The following SPEF2 variants were observed in gnomAD, a reference collection of about 807,000 sequenced individuals.
SPEF2 encodes the protein sperm flagellar and cilia associated 2.
A neutral mutation model predicts 224.6 loss-of-function variants in SPEF2; 187 were observed. The observed-to-expected ratio is 0.83, with a 90% CI of 0.74 to 0.94. SPEF2 has a LOEUF of 0.94. Ranked by LOEUF, SPEF2 falls within the 40% of genes least tolerant of loss-of-function variation. The pLI is 0.00. For synonymous variants in SPEF2, 715 were observed against 707.3 expected (o/e 1.01, Z -0.17); for missense variants, 2,170 against 2,135.6 (o/e 1.02, Z -0.32).
chr5:35,715,240 G>A (rs6893470), intron 20 of SPEF2, among the ~76,000 whole-genome samples: 114,137 of 151,832 alleles, frequency 0.75, 43,253 homozygotes, highest in Middle Eastern at 0.83. Context: ...TTATATAATT[G>A]TTTATTGTAA....
At chr5:35,711,790 A>G (rs1326384963) in intron 19 of SPEF2, among the ~76,000 whole-genome samples, 2 of 152,104 alleles carry the variant, frequency 1.3e-5, no homozygotes, top group African/African-American at 4.8e-5. Context: ...CTAGGCATTT[A>G]TACATTCTTA....
chr5:35,655,161 A>AAG (rs1326191438), intron 7 of SPEF2, among the ~76,000 whole-genome samples: 2 of 152,276 alleles, frequency 1.3e-5, no homozygotes, highest in East Asian at 3.9e-4. Context: ...TTCTTTAAGC[A>AAG]TGGTTCCTGG....
intron 30 of SPEF2, among the ~76,000 whole-genome samples, chr5:35,786,679 C>A (rs1447354350): frequency 6.6e-6 from 1 of 151,790 alleles, no homozygotes; most frequent in African/African-American, 2.4e-5. Context: ...ACAAAAAAAG[C>A]AAAGGAGAAG....
Position 35,753,613 on chromosome 5 carries a change from T to C in SPEF2, c.3331-11T>C, listed in dbSNP as rs11957963. 1,013,199 of 1,613,546 alleles carry C rather than the reference T, an allele frequency of 0.63. 325,402 individuals carry two copies. The highest frequency in any genetic ancestry group is 0.69 in the East Asian group (30,758 of 44,854). ...TAAAGCATAGCCACCATGCCTGTTT[T>C]TTCTGTTCAGGATCTGCGAGACCGC... On this transcript the variant is annotated splice_polypyrimidine_tract_variant and intron_variant, in intron 23 of 36. Coordinates refer to ENST00000356031, the MANE Select transcript of SPEF2 (RefSeq NM_024867.4).
intron 32 of SPEF2, 54 bp downstream of exon 32, chr5:35,793,395 A>T: frequency 6.5e-7 from 1 of 1,547,922 alleles, no homozygotes; most frequent in Non-Finnish European, 8.8e-7. Flanking sequence ...GTGACCTAAG[A>T]AGTGAATTAC....
intron 20 of SPEF2, 135 bp downstream of exon 20, chr5:35,713,021 A>G: frequency 1.2e-6 from 1 of 827,804 alleles, no homozygotes; most frequent in East Asian, 2.7e-5. Context: ...AGCCCTTGCC[A>G]AAGAATATAG....
At chr5:35,772,606 G>A (rs1335449884) in intron 27 of SPEF2, among the ~76,000 whole-genome samples, 1 of 152,100 alleles carries the variant, frequency 6.6e-6, no homozygotes. Flanking sequence ...GGAGTTAAAG[G>A]AAAGCACTGA....
intron 10 of SPEF2, among the ~76,000 whole-genome samples, chr5:35,680,180 A>G (rs896183440): frequency 7.2e-5 from 11 of 152,326 alleles, no homozygotes; most frequent in Middle Eastern, 3.4e-3. Flanking sequence ...ACTGTTTTTC[A>G]TATATTACAT....
rs140568226 is a variant in SPEF2 at position 35,684,280 on chromosome 5, G to A, written c.1525-6757G>A. Among the ~76,000 whole-genome samples, 327 of 152,176 alleles carry A rather than the reference G, an allele frequency of 2.1e-3. 1 individual carries two copies. The highest frequency in any genetic ancestry group is 7.6e-3 in the African/African-American group (317 of 41,522). Reference sequence around the variant, plus strand: ...GTCATGTTCTGATTTCATCCCCTTTGAGATGCTTACCTTGACTCAGCCTTT... The same window carrying A: ...GTCATGTTCTGATTTCATCCCCTTTAAGATGCTTACCTTGACTCAGCCTTT... On this transcript the variant is annotated intron_variant, in intron 10 of 36. Coordinates refer to ENST00000356031, the MANE Select transcript of SPEF2 (RefSeq NM_024867.4).
chr5:35,646,006 A>T (rs1366608929), intron 4 of SPEF2, among the ~76,000 whole-genome samples: 3 of 152,128 alleles, frequency 2.0e-5, no homozygotes, highest in Non-Finnish European at 4.4e-5. Flanking sequence ...TTCACATATT[A>T]CCTCTTAAAT....
Position 35,774,308 on chromosome 5 carries a change from CA to C in SPEF2, c.4078+288del, listed in dbSNP as rs1241938831. The stretch of plus-strand genomic sequence containing the variant: ...GGTAATGGGTTAGAAAAAGCAATAG[CA>C]GTAATTAAAATCTCATAAAACAGAA... On this transcript the variant is annotated intron_variant, in intron 28 of 36. Coordinates refer to ENST00000356031, the MANE Select transcript of SPEF2 (RefSeq NM_024867.4). 5.9e-5 allele frequency among the ~76,000 whole-genome samples: 9 copies of C among 152,190 alleles called. 2 individuals carry two copies. Among genetic ancestry groups the C allele is most frequent in the East Asian group, 1.9e-4 (1 of 5,182 alleles).
chr5:35,794,665 T>C (rs1756420760), intron 32 of SPEF2, among the ~76,000 whole-genome samples: 1 of 152,238 alleles, frequency 6.6e-6, no homozygotes, highest in Non-Finnish European at 1.5e-5. Context: ...TCGCTATTTA[T>C]TGTATGTGGC....
chr5:35,723,592 T>G (rs1744149005), intron 20 of SPEF2, among the ~76,000 whole-genome samples: 1 of 152,096 alleles, frequency 6.6e-6, no homozygotes, highest in Non-Finnish European at 1.5e-5. Context: ...TTAAGTTAAA[T>G]TACAATAAAA....
At chr5:35,791,865 G>A (rs1756001556) in intron 30 of SPEF2, among the ~76,000 whole-genome samples, 1 of 152,022 alleles carries the variant, frequency 6.6e-6, no homozygotes. Context: ...AAGCAAATAT[G>A]GTCTGATCCA....
rs1580225241 is a variant in SPEF2 at position 35,676,325 on chromosome 5, T to C, written c.1524+6098T>C. 2.0e-5 allele frequency among the ~76,000 whole-genome samples: 3 copies of C among 152,298 alleles called. No homozygotes were observed. In the South Asian group the frequency reaches 6.2e-4, roughly 32 times the overall value. ...CTGAGTTTTGGGTTTGTTCTCTACC[T>C]ACTTTGGCAACTACAGGAGCCAGCT... On this transcript the variant is annotated intron_variant, in intron 10 of 36. Coordinates refer to ENST00000356031, the MANE Select transcript of SPEF2 (RefSeq NM_024867.4).
rs973388299 is a variant in SPEF2 at position 35,727,970 on chromosome 5, A to G, written c.3063+147A>G. The G allele has an allele frequency of 9.2e-5, 70 of 764,166 alleles. 1 individual carries two copies. In the Admixed American group the frequency reaches 2.2e-3, roughly 24 times the overall value. 47.3% of individuals were successfully genotyped at this position (764,166 alleles called of 1,614,324 possible). ...TGAGATTTTTTTTAGAGACTACTCA[A>G]TGACCCATATCTCATCCTTTCTCCT... On this transcript the variant is annotated intron_variant, in intron 21 of 36. Coordinates refer to ENST00000356031, the MANE Select transcript of SPEF2 (RefSeq NM_024867.4).
At chr5:35,687,463 TA>T (rs1753797261) in intron 10 of SPEF2, among the ~76,000 whole-genome samples, 1 of 152,136 alleles carries the variant, frequency 6.6e-6, no homozygotes, top group African/African-American at 2.4e-5. Context: ...TCTTGCACTT[TA>T]ACATTTTTTT....
intron 26 of SPEF2, among the ~76,000 whole-genome samples, chr5:35,766,497 A>T (rs1489515747): frequency 1.3e-5 from 2 of 152,018 alleles, no homozygotes; most frequent in African/African-American, 4.8e-5. Flanking sequence ...TGTCTATGTG[A>T]CGTCCACTTT....
rs766667531 is a variant in SPEF2 at position 35,814,458 on chromosome 5, T to C, written c.5380-6T>C. ...TTGTAACTTCTCTTTGAATCTTTTG[T>C]CTTAGGATATTAAAATAATTCTCCA... On this transcript the variant is annotated splice_polypyrimidine_tract_variant and splice_region_variant and intron_variant, in intron 36 of 36. Coordinates refer to ENST00000356031, the MANE Select transcript of SPEF2 (RefSeq NM_024867.4). 6.4e-7 allele frequency: 1 copy of C among 1,565,450 alleles called. No individual in the cohort carries two copies. The highest frequency in any genetic ancestry group is 8.8e-7 in the Non-Finnish European group (1 of 1,142,226).
Sources: allele counts gnomAD v4.1 joint callset (sites outside exome capture counted in the v4.1 genomes callset), GRCh38; gene constraint gnomAD v4.1.1; transcripts MANE v1.5; gene names NCBI Gene and HGNC (gene_info 2026-07-23, HGNC 2026-07-21).